Variants in ZNF804B observed in about 807,000 individuals in gnomAD.
ZNF804B encodes zinc finger protein 804B.
A neutral mutation model predicts 101.4 loss-of-function variants in ZNF804B; 80 were observed. The observed-to-expected ratio is 0.79, with a 90% CI of 0.66 to 0.95. ZNF804B has a LOEUF of 0.95. Among genes scored for constraint, ZNF804B ranks in the 40% least tolerant of loss-of-function variants. The pLI is 0.00. For synonymous variants in ZNF804B, 622 were observed against 558.8 expected, an observed-to-expected ratio of 1.11 and a Z score of -1.59; for missense variants, 1,673 against 1,561.9, an observed-to-expected ratio of 1.07 and a Z score of -1.20.
At chr7:89,274,337 A>AGT (rs1789945145) in intron 2 of ZNF804B, among the ~76,000 whole-genome samples, 1 of 94,172 alleles carries the variant, frequency 1.1e-5, no homozygotes, top group South Asian at 3.8e-4. Context: ...CAGTCCCCAG[A>AGT]GTGTGATATT....
intron 2 of ZNF804B, among the ~76,000 whole-genome samples, chr7:89,260,080 C>T (rs1481409051): frequency 1.3e-5 from 2 of 152,164 alleles, no homozygotes; most frequent in East Asian, 3.8e-4. Flanking sequence ...CAGCCCCTTA[C>T]TGGGGCTTGT....
At position 89,171,353 on chromosome 7, in the gene ZNF804B, T is replaced by TTCC. The variant is rs1562904560; in HGVS notation, c.109-46800_109-46799insCTC. 5.3e-4 allele frequency among the ~76,000 whole-genome samples: 50 copies of TTCC among 94,942 alleles called. 1 individual carries two copies. Among genetic ancestry groups the TTCC allele is most frequent in the African/African-American group, 1.7e-3 (44 of 25,314 alleles). The allele number at this position is 94,942 out of a possible 152,430, so 62.3% of individuals were successfully genotyped here. ...CTTCTTCTTCTTCTTCTTCTTCTTCTTCTTCCTCCTCTTCCTCTTCTTCCT... is the reference window on the plus strand; with the variant it reads ...CTTCTTCTTCTTCTTCTTCTTCTTCTTCCTCTTCCTCCTCTTCCTCTTCTTCCT... On this transcript the variant is annotated intron_variant, in intron 1 of 3. Coordinates refer to ENST00000333190, the MANE Select transcript of ZNF804B (RefSeq NM_181646.5).
chr7:89,259,749 G>A (rs879607554), intron 2 of ZNF804B, among the ~76,000 whole-genome samples: 4 of 152,140 alleles, frequency 2.6e-5, no homozygotes, highest in Non-Finnish European at 5.9e-5. Flanking sequence ...TTGGGAGGTC[G>A]AGGCAGGCAG....
At chr7:89,130,852 G>C (rs1584004199) in intron 1 of ZNF804B, among the ~76,000 whole-genome samples, 1 of 151,902 alleles carries the variant, frequency 6.6e-6, no homozygotes, top group Non-Finnish European at 1.5e-5. Flanking sequence ...AGCGTCTAGG[G>C]GGTGTCTTAT....
At chr7:89,126,238 A>G (rs1790472687) in intron 1 of ZNF804B, among the ~76,000 whole-genome samples, 1 of 152,008 alleles carries the variant, frequency 6.6e-6, no homozygotes, top group African/African-American at 2.4e-5. Context: ...ATGAATATCA[A>G]AGAGAACAGT....
intron 1 of ZNF804B, among the ~76,000 whole-genome samples, chr7:88,795,406 C>T (rs1252813310): frequency 6.6e-6 from 1 of 151,994 alleles, no homozygotes; most frequent in African/African-American, 2.4e-5. Context: ...AACCTTTAGT[C>T]ATGTCACTAA....
intron 1 of ZNF804B, among the ~76,000 whole-genome samples, chr7:89,169,946 C>T (rs1791200104): frequency 6.6e-6 from 1 of 152,130 alleles, no homozygotes; most frequent in African/African-American, 2.4e-5. Context: ...GCCTGCAAGT[C>T]AGTTATTTAG....
chr7:89,163,839 C>T (rs1791103505), intron 1 of ZNF804B, among the ~76,000 whole-genome samples: 1 of 151,742 alleles, frequency 6.6e-6, no homozygotes, highest in Admixed American at 6.6e-5. Context: ...TGAATTAGAT[C>T]TATTTTCCTC....
intron 2 of ZNF804B, among the ~76,000 whole-genome samples, chr7:89,243,654 A>C (rs971824388): frequency 1.6e-4 from 25 of 151,892 alleles, no homozygotes; most frequent in Non-Finnish European, 3.5e-4. Flanking sequence ...AGGAAACATA[A>C]ACAAAGGACT....
intron 1 of ZNF804B, among the ~76,000 whole-genome samples, chr7:89,030,284 T>C (rs988127174): frequency 2.6e-5 from 4 of 152,190 alleles, no homozygotes; most frequent in Non-Finnish European, 5.9e-5. Flanking sequence ...TTTGAATTTG[T>C]GTATGCAATT....
intron 1 of ZNF804B, among the ~76,000 whole-genome samples, chr7:88,980,989 C>T (rs960083632): frequency 2.2e-4 from 34 of 152,162 alleles, no homozygotes; most frequent in Admixed American, 1.3e-3. Context: ...ATCTACTTGG[C>T]GCTCTGTTCT....
intron 1 of ZNF804B, among the ~76,000 whole-genome samples, chr7:89,074,526 C>T (rs1007498821): frequency 6.6e-6 from 1 of 152,148 alleles, no homozygotes; most frequent in Non-Finnish European, 1.5e-5. Context: ...GTGAATTGCT[C>T]CTCCTTGTCT....
intron 1 of ZNF804B, among the ~76,000 whole-genome samples, chr7:88,768,408 C>T (rs1790014538): frequency 6.6e-6 from 1 of 152,168 alleles, no homozygotes; most frequent in African/African-American, 2.4e-5. Flanking sequence ...CATATTTAGG[C>T]ATTAAGAACA....
chr7:89,205,858 C>G (rs1034602840), intron 1 of ZNF804B, among the ~76,000 whole-genome samples: 1 of 152,168 alleles, frequency 6.6e-6, no homozygotes, highest in Non-Finnish European at 1.5e-5. Flanking sequence ...GTGGGGGGCT[C>G]AAATCCCACA....
intron 1 of ZNF804B, among the ~76,000 whole-genome samples, chr7:88,989,067 T>A (rs1328960272): frequency 1.3e-5 from 2 of 152,036 alleles, no homozygotes; most frequent in African/African-American, 4.8e-5. Flanking sequence ...TCTGTCACTA[T>A]GCTGGAGTGC....
At chr7:89,055,822 G>T (rs1189961357) in intron 1 of ZNF804B, among the ~76,000 whole-genome samples, 1 of 152,040 alleles carries the variant, frequency 6.6e-6, no homozygotes, top group Non-Finnish European at 1.5e-5. Context: ...ACAGGAACAA[G>T]TGTATAATTA....
intron 1 of ZNF804B, among the ~76,000 whole-genome samples, chr7:88,895,748 A>T (rs552022789): frequency 6.6e-6 from 1 of 152,360 alleles, no homozygotes; most frequent in East Asian, 1.9e-4. Context: ...ACGGAAGACA[A>T]CTGAAAGAGC....
chr7:89,171,288 G>GCTGCTGCTGCTGCTGCTTCTTCTT (rs1215246589), intron 1 of ZNF804B, among the ~76,000 whole-genome samples: 50 of 82,536 alleles, frequency 6.1e-4, no homozygotes, highest in South Asian at 2.0e-3. Context: ...TGCTGCTGCT[G>GCTGCTGCTGCTGCTGCTTCTTCTT]CTTCTTCTTC....
intron 1 of ZNF804B, among the ~76,000 whole-genome samples, chr7:89,126,048 A>G (rs904941240): frequency 6.6e-6 from 1 of 152,112 alleles, no homozygotes; most frequent in African/African-American, 2.4e-5. Flanking sequence ...CAGATTGTCC[A>G]TGGCAATTCA....
Sources: allele counts gnomAD v4.1 joint callset (sites outside exome capture counted in the v4.1 genomes callset), GRCh38; gene constraint gnomAD v4.1.1; transcripts MANE v1.5; gene names NCBI Gene and HGNC (gene_info 2026-07-23, HGNC 2026-07-21).